TMCO4: variants seen among roughly 807,000 people sequenced by gnomAD.
TMCO4 encodes the protein transmembrane and coiled-coil domains 4, also known as transmembrane and coiled-coil domain-containing protein 4.
A neutral mutation model predicts 64.7 loss-of-function variants in TMCO4; 58 were observed. The observed-to-expected ratio is 0.90, with a 90% CI of 0.73 to 1.12. The LOEUF (loss-of-function observed/expected upper bound fraction) is 1.12. Among genes scored for constraint, TMCO4 ranks in the 50% most tolerant of loss-of-function variants. TMCO4 has a pLI of 0.00. For synonymous variants in TMCO4, 325 were observed against 346.1 expected, an observed-to-expected ratio of 0.94 and a Z score of 0.68; for missense variants, 780 against 825.9, an observed-to-expected ratio of 0.94 and a Z score of 0.68.
At chr1:19,714,128 G>T (rs2095344739) in intron 13 of TMCO4, among the ~76,000 whole-genome samples, 2 of 152,056 alleles carry the variant, frequency 1.3e-5, no homozygotes, top group South Asian at 4.1e-4. Flanking sequence ...GTAGAAACGG[G>T]TTTTCACCAT....
rs144288160 is a variant in TMCO4 at position 19,745,565 on chromosome 1, C to T, written c.844G>A (p.Ala282Thr). 55 of 1,614,126 alleles carry T rather than the reference C, an allele frequency of 3.4e-5. 2 individuals carry two copies. In the East Asian group the frequency reaches 4.9e-4, roughly 14 times the overall value. The change falls in exon 10 of 16, where the codon GCC (alanine) becomes ACC (threonine). Residue 282 changes from alanine to threonine, a missense_variant. Transcript: ENST00000294543. ...TEGRQLHITI[A>T]VTGWLASGKY... ...CCAGAAGCGAGCCACCCCGTGACGG[C>T]GATGGTGATGTGCAGCTGCCTGCCC...
At chr1:19,738,762 C>T (rs2095466897) in intron 12 of TMCO4, among the ~76,000 whole-genome samples, 1 of 152,230 alleles carries the variant, frequency 6.6e-6, no homozygotes, top group South Asian at 2.1e-4. Flanking sequence ...GTTGTCATCC[C>T]TCAATATCCA....
chr1:19,707,339 G>T (rs567688295), intron 13 of TMCO4, among the ~76,000 whole-genome samples: 10 of 152,146 alleles, frequency 6.6e-5, no homozygotes, highest in Non-Finnish European at 1.2e-4. Flanking sequence ...TTAGAGACTG[G>T]CAGCTGGGCA....
chr1:19,749,987 C>T (rs979905355), intron 7 of TMCO4: 4 of 152,136 alleles, frequency 2.6e-5, no homozygotes, highest in Non-Finnish European at 5.9e-5. Context: ...GTTTCCTCAA[C>T]CTACAAATGG....
chr1:19,784,964 C>T (rs1262980526), intron 3 of TMCO4, among the ~76,000 whole-genome samples: 1 of 152,066 alleles, frequency 6.6e-6, no homozygotes, highest in Non-Finnish European at 1.5e-5. Context: ...GCCCACAGGC[C>T]GAAGATTGGA....
In TMCO4 at chr1:19,743,613, C is replaced by T. The variant is rs1444321956; in HGVS notation, c.877+1919G>A. On this transcript the variant is annotated intron_variant, in intron 10 of 15. Transcript: ENST00000294543. The surrounding 1 kb of genome is among the most constrained non-coding windows in gnomAD (Gnocchi z 4.1). ...AACTTGACCTTTAACCCGGGGCAAA[C>T]TGAACAAATAGGGGCAAACTGAACA... 6.6e-6 allele frequency among the ~76,000 whole-genome samples: 1 copy of T among 152,156 alleles called. No individual in the cohort carries two copies. Among genetic ancestry groups the T allele is most frequent in the Non-Finnish European group, 1.5e-5 (1 of 68,034 alleles).
At chr1:19,712,984 G>A (rs548828243) in intron 13 of TMCO4, among the ~76,000 whole-genome samples, 10 of 152,332 alleles carry the variant, frequency 6.6e-5, no homozygotes, top group African/African-American at 1.9e-4. Context: ...AGCTTTGCTC[G>A]GTGGGGTCTC....
At chr1:19,754,777 G>C (rs2042169223) in intron 7 of TMCO4, among the ~76,000 whole-genome samples, 1 of 152,132 alleles carries the variant, frequency 6.6e-6, no homozygotes, top group Non-Finnish European at 1.5e-5. Context: ...TACAACTGAT[G>C]GGTCCGGGAC....
At chr1:19,684,019 C>T (rs1448229182) in intron 15 of TMCO4, among the ~76,000 whole-genome samples, 2 of 148,554 alleles carry the variant, frequency 1.3e-5, no homozygotes, top group African/African-American at 5.1e-5. Flanking sequence ...GCCTTAGCCT[C>T]CCAAAGTGTT....
rs2095118193 is a variant in TMCO4, at chr1:19,683,308, G to A, written c.1637C>T (p.Ala546Val). 6.2e-7 allele frequency: 1 copy of A among 1,614,020 alleles called. No homozygotes were observed. Among genetic ancestry groups the A allele is most frequent in the African/African-American group, 1.3e-5 (1 of 75,080 alleles). The change falls in exon 16 of 16, where the codon GCA becomes GTA. Residue 546 changes from alanine to valine, a missense_variant. Coordinates refer to ENST00000294543, the MANE Select transcript of TMCO4 (RefSeq NM_181719.7). ...GCLPSEEPRQ[A>V]AAAASSGETP... Reference sequence around the variant, plus strand: ...CTCGCCTGATGAGGCGGCAGCTGCTGCCTGGCGAGGCTCCTCGGAGGGCAG... The same window carrying A: ...CTCGCCTGATGAGGCGGCAGCTGCTACCTGGCGAGGCTCCTCGGAGGGCAG...
rs2042973963 is a variant in TMCO4, at chr1:19,771,375, G to T, written c.287C>A (p.Ala96Glu). ...CAGTAAAATTTGAACAAACACATCT[G>T]CTCCTTCACCTCCCAGGCCGCTCGC... is the stretch of plus-strand genomic sequence containing the variant. ...AFASGLGGEG[A>E]DVFVQILLKD... is the part of the protein sequence containing the mutation. Residue 96 changes from alanine to glutamate, a missense_variant, in exon 5 of 16, where the codon GCA (alanine) becomes GAA (glutamate). Physicochemically the swap from Ala to Glu is moderately radical, Grantham distance 107. Coordinates refer to ENST00000294543, the MANE Select transcript of TMCO4 (RefSeq NM_181719.7). 6.2e-7 allele frequency: 1 copy of T among 1,614,166 alleles called. No homozygotes were observed. The highest frequency in any genetic ancestry group is 2.2e-5 in the East Asian group (1 of 44,880).
At chr1:19,752,505 A>G (rs990771943) in intron 7 of TMCO4, among the ~76,000 whole-genome samples, 1 of 152,178 alleles carries the variant, frequency 6.6e-6, no homozygotes, top group Non-Finnish European at 1.5e-5. Flanking sequence ...CTTATCTCCC[A>G]TAAGAGGGTG....
At chr1:19,746,882 C>A (rs1386438619) in intron 8 of TMCO4, among the ~76,000 whole-genome samples, 4 of 149,062 alleles carry the variant, frequency 2.7e-5, no homozygotes, top group Admixed American at 2.7e-4. Context: ...CGAGATCATG[C>A]CACTGCACTC....
At chr1:19,707,935 C>T (rs1387764748) in intron 13 of TMCO4, among the ~76,000 whole-genome samples, 2 of 152,106 alleles carry the variant, frequency 1.3e-5, no homozygotes, top group Non-Finnish European at 2.9e-5. Context: ...AACCAGATCT[C>T]GTGAGAACTC....
intron 13 of TMCO4, among the ~76,000 whole-genome samples, chr1:19,717,463 A>G (rs1034458585): frequency 1.3e-5 from 2 of 152,208 alleles, no homozygotes; most frequent in African/African-American, 2.4e-5. Context: ...AAATGCTACT[A>G]CTGAAGGTTC....
chr1:19,688,507 A>G (rs1251445454), intron 15 of TMCO4, among the ~76,000 whole-genome samples: 1 of 152,156 alleles, frequency 6.6e-6, no homozygotes, highest in Non-Finnish European at 1.5e-5. Context: ...CATGTATAAA[A>G]TGAGGCTAAT....
intron 4 of TMCO4, among the ~76,000 whole-genome samples, chr1:19,772,169 G>A (rs1317120676): frequency 6.6e-6 from 1 of 152,144 alleles, no homozygotes; most frequent in Non-Finnish European, 1.5e-5. Flanking sequence ...GAGCCGTGTG[G>A]TACCCTAGGA....
Position 19,743,153 on chromosome 1 carries a change from T to C in TMCO4, c.878-2212A>G, listed in dbSNP as rs189079626. Among the ~76,000 whole-genome samples the C allele has an allele frequency of 3.3e-5, 5 of 152,114 alleles. No individual in the cohort carries two copies. Among genetic ancestry groups the C allele is most frequent in the South Asian group, 2.1e-4 (1 of 4,832 alleles). On this transcript the variant is annotated intron_variant, in intron 10 of 15. Coordinates refer to ENST00000294543, the MANE Select transcript of TMCO4 (RefSeq NM_181719.7). This position sits in a 1 kb window ranked among gnomAD's most constrained non-coding sequence, Gnocchi z 4.1. ...GCCAAGAATATGGGCTGGAGCCAGA[T>C]AGAATGGGGGTGAATCCTGCCCCTG...
chr1:19,711,715 T>C lies in TMCO4; in HGVS notation c.1265-10830A>G, dbSNP rs181012402. Among the ~76,000 whole-genome samples the C allele has an allele frequency of 2.9e-3, 446 of 152,150 alleles. 1 individual carries two copies. Among genetic ancestry groups the C allele is most frequent in the Non-Finnish European group, 4.6e-3 (311 of 67,978 alleles). ...TCTTGTTGCCCAGGCTGGATTGCAA[T>C]GGCGTGATCTCAGCTCACTGCAACC... On this transcript the variant is annotated intron_variant, in intron 13 of 15. Transcript: ENST00000294543.
Sources: allele counts gnomAD v4.1 joint callset (sites outside exome capture counted in the v4.1 genomes callset), GRCh38; gene constraint gnomAD v4.1.1; non-coding constraint Gnocchi (gnomAD v3.1); transcripts MANE v1.5; gene names NCBI Gene and HGNC (gene_info 2026-07-23, HGNC 2026-07-21).